GABRG3: variants seen among roughly 807,000 people sequenced by gnomAD.
GABRG3 encodes gamma-aminobutyric acid receptor subunit gamma-3.
Under a neutral mutation model 48.8 loss-of-function variants are expected in GABRG3, and 25 were observed. That is an observed-to-expected ratio of 0.51 (90% CI 0.37 to 0.72). GABRG3 has a LOEUF of 0.72. GABRG3 is among the 30% of genes least tolerant of loss of function. GABRG3 has a pLI of 0.00. For missense variants in GABRG3, 394 were observed against 577.9 expected, an observed-to-expected ratio of 0.68 and a Z score of 3.26; for synonymous variants, 227 against 217.6, an observed-to-expected ratio of 1.04 and a Z score of -0.38.
chr15:27,432,192 A>G (rs1174237346), intron 5 of GABRG3, among the ~76,000 whole-genome samples: 1 of 152,178 alleles, frequency 6.6e-6, no homozygotes. Flanking sequence ...GTTGGGATTA[A>G]TATTGACTTA....
At chr15:27,181,845 AC>A (rs1186998301) in intron 3 of GABRG3, among the ~76,000 whole-genome samples, 1 of 151,892 alleles carries the variant, frequency 6.6e-6, no homozygotes, top group Non-Finnish European at 1.5e-5. Flanking sequence ...TTCCTGTCAA[AC>A]TCTACCAGAT....
At chr15:27,074,044 A>G (rs1896869770) in intron 3 of GABRG3, among the ~76,000 whole-genome samples, 1 of 152,190 alleles carries the variant, frequency 6.6e-6, no homozygotes, top group Admixed American at 6.5e-5. Flanking sequence ...CCCATCTTAC[A>G]TGGATGGCAG....
rs961678894 is a variant in GABRG3 at position 27,481,187 on chromosome 15, T to C, written c.712+400T>C. The C allele has an allele frequency of 2.4e-5, 24 of 1,003,806 alleles. 1 individual carries two copies. The Admixed American group carries it at 1.1e-3, about 46-fold the overall frequency. 62.2% of individuals were successfully genotyped at this position (1,003,806 alleles called of 1,614,324 possible). ...TGTGATATGTCCTTTGAGTTTCAAT[T>C]GCTTTTATTTACTCTAAGTTTTATC... is the stretch of plus-strand genomic sequence containing the variant. On this transcript the variant is annotated intron_variant, in intron 6 of 9. Coordinates refer to ENST00000615808, the MANE Select transcript of GABRG3 (RefSeq NM_033223.5).
In GABRG3 at chr15:27,109,108, G is replaced by A. The variant is rs1897500401; in HGVS notation, c.270+82287G>A. On this transcript the variant is annotated intron_variant, in intron 3 of 9. Transcript: ENST00000615808. ...TCCTCCGATGTTACACATTTAGATT[G>A]TTGTAAATTAAGGTTGCAGAGCATA... Among the ~76,000 whole-genome samples, 3 of 152,104 alleles carry A rather than the reference G, an allele frequency of 2.0e-5. No individual in the cohort carries two copies. The South Asian group carries it at 6.2e-4, about 32-fold the overall frequency.
intron 3 of GABRG3, among the ~76,000 whole-genome samples, chr15:27,049,219 T>C (rs1896415001): frequency 6.6e-6 from 1 of 152,256 alleles, no homozygotes; most frequent in African/African-American, 2.4e-5. Flanking sequence ...TATTTTGTGC[T>C]GGGCCCCACA....
intron 6 of GABRG3, among the ~76,000 whole-genome samples, chr15:27,519,226 A>G (rs1476834767): frequency 6.6e-6 from 1 of 152,126 alleles, no homozygotes; most frequent in Middle Eastern, 3.2e-3. Flanking sequence ...TAGACAAGAA[A>G]TCAATGGAGA....
Position 27,377,426 on chromosome 15 carries a change from A to G in GABRG3, c.574+48538A>G, listed in dbSNP as rs556410148. Reference sequence around the variant, plus strand: ...CAGTTTTCATGCTGCTGATAAAGACATACCCAAGACTGGAAAGAAAAAGAG... The same window carrying G: ...CAGTTTTCATGCTGCTGATAAAGACGTACCCAAGACTGGAAAGAAAAAGAG... On this transcript the variant is annotated intron_variant, in intron 5 of 9. Coordinates refer to ENST00000615808, the MANE Select transcript of GABRG3 (RefSeq NM_033223.5). 5.9e-5 allele frequency among the ~76,000 whole-genome samples: 9 copies of G among 152,274 alleles called. No homozygotes were observed. In the South Asian group the frequency reaches 1.9e-3, roughly 32 times the overall value.
chr15:27,366,669 AC>A (rs1895211354), intron 5 of GABRG3, among the ~76,000 whole-genome samples: 1 of 152,078 alleles, frequency 6.6e-6, no homozygotes, highest in Non-Finnish European at 1.5e-5. Context: ...TGGTCCTCTC[AC>A]AGATCCAGGT....
chr15:27,180,858 A>G lies in GABRG3; in HGVS notation c.271-145951A>G, dbSNP rs888471162. On this transcript the variant is annotated intron_variant, in intron 3 of 9. Coordinates refer to ENST00000615808, the MANE Select transcript of GABRG3 (RefSeq NM_033223.5). This position sits in a 1 kb window ranked among gnomAD's most constrained non-coding sequence, Gnocchi z 4.2. ...CACTGAAAAGGTCTATCTTATGTCT[A>G]CTTAAGGCTGGAGGCTTGGACTAAC... Among the ~76,000 whole-genome samples the G allele has an allele frequency of 1.3e-5, 2 of 152,158 alleles. No homozygotes were observed. The highest frequency in any genetic ancestry group is 2.9e-5 in the Non-Finnish European group (2 of 68,032).
rs548641515 is a variant in GABRG3 at position 27,265,910 on chromosome 15, C to T, written c.271-60899C>T. Among the ~76,000 whole-genome samples, 64 of 114,900 alleles carry T rather than the reference C, an allele frequency of 5.6e-4. 1 individual carries two copies. The highest frequency in any genetic ancestry group is 7.2e-4 in the Non-Finnish European group (44 of 61,434). 75.4% of individuals were successfully genotyped at this position (114,900 alleles called of 152,430 possible). On this transcript the variant is annotated intron_variant, in intron 3 of 9. Transcript: ENST00000615808. The stretch of plus-strand genomic sequence containing the variant: ...TTTTTTTTTTTTTGAGAGTGACCTT[C>T]GCTCTTGTTGCTTAGGCTGGAGTGC...
intron 3 of GABRG3, among the ~76,000 whole-genome samples, chr15:27,185,827 A>G (rs542694209): frequency 6.6e-6 from 1 of 152,168 alleles, no homozygotes; most frequent in East Asian, 1.9e-4. Flanking sequence ...TGTCTACTTC[A>G]TGAAATACTA....
chr15:27,160,812 G>T (rs1887155982), intron 3 of GABRG3, among the ~76,000 whole-genome samples: 1 of 152,116 alleles, frequency 6.6e-6, no homozygotes, highest in African/African-American at 2.4e-5. Context: ...AGCACTCCTG[G>T]CTGGTTGGAA....
At chr15:27,019,866 TA>T (rs1353066365) in intron 2 of GABRG3, among the ~76,000 whole-genome samples, 1 of 152,194 alleles carries the variant, frequency 6.6e-6, no homozygotes, top group Non-Finnish European at 1.5e-5. Context: ...GATATTTAAA[TA>T]ATTACGTCAT....
chr15:27,025,820 A>G (rs967731221), intron 2 of GABRG3, among the ~76,000 whole-genome samples: 35 of 152,248 alleles, frequency 2.3e-4, no homozygotes, highest in African/African-American at 8.0e-4. Flanking sequence ...TCATGGGGAA[A>G]GGTTCAGGAG....
At chr15:27,289,264 C>T (rs1421731792) in intron 3 of GABRG3, among the ~76,000 whole-genome samples, 1 of 147,058 alleles carries the variant, frequency 6.8e-6, no homozygotes, top group Non-Finnish European at 1.5e-5. Context: ...CCATTCTATG[C>T]CTCTACTCTT....
chr15:27,307,349 A>G (rs1291914231), intron 3 of GABRG3, among the ~76,000 whole-genome samples: 1 of 135,294 alleles, frequency 7.4e-6, no homozygotes, highest in Non-Finnish European at 1.6e-5. Context: ...AGGTTTATAT[A>G]TGTTTATATA....
chr15:27,413,215 A>C (rs1887848745), intron 5 of GABRG3, among the ~76,000 whole-genome samples: 1 of 152,208 alleles, frequency 6.6e-6, no homozygotes, highest in African/African-American at 2.4e-5. Flanking sequence ...ATTTTTATTT[A>C]CAATAATTCA....
chr15:27,141,166 T>TA (rs1898096049), intron 3 of GABRG3, among the ~76,000 whole-genome samples: 1 of 152,170 alleles, frequency 6.6e-6, no homozygotes, highest in South Asian at 2.1e-4. Flanking sequence ...ATTATTCCTG[T>TA]AAAAAGCCCT....
At position 27,086,630 on chromosome 15, in the gene GABRG3, AT is replaced by A. The variant is rs1279088157; in HGVS notation, c.270+59812del. ...TTGTATTCAAAGCTTTATAACATAC[AT>A]TTAGGTTAGTTCCACAAGCATTTTT... On this transcript the variant is annotated intron_variant, in intron 3 of 9. Coordinates refer to ENST00000615808, the MANE Select transcript of GABRG3 (RefSeq NM_033223.5). Among the ~76,000 whole-genome samples, 25 of 152,362 alleles carry A rather than the reference AT, an allele frequency of 1.6e-4. 1 individual carries two copies. Among genetic ancestry groups the A allele is most frequent in the African/African-American group, 5.8e-4 (24 of 41,592 alleles).
Sources: gnomAD v4.1 joint callset for allele counts (sites outside exome capture counted in the v4.1 genomes callset) on GRCh38, gnomAD v4.1.1 for gene constraint, Gnocchi (gnomAD v3.1) non-coding constraint, MANE v1.5 for transcripts, NCBI Gene and HGNC (gene_info 2026-07-23, HGNC 2026-07-21) for gene names.